The following KLF12 variants were observed in gnomAD, a reference collection of about 807,000 sequenced individuals.
KLF12 encodes Krueppel-like factor 12.
Under a neutral mutation model 37.8 loss-of-function variants are expected in KLF12, and 9 were observed. That is an observed-to-expected ratio of 0.24 (90% confidence interval 0.14 to 0.42). The LOEUF (loss-of-function observed/expected upper bound fraction) is 0.42. Ranked by LOEUF, KLF12 falls within the 10% of genes least tolerant of loss-of-function variation. The pLI is 1.00. For synonymous variants in KLF12, 208 were observed against 202.1 expected (o/e 1.03, Z -0.25); for missense variants, 411 against 516.0 (o/e 0.80, Z 1.97).
chr13:74,274,124 C>T, the KLF12 span, among the ~76,000 whole-genome samples: 1 of 152,160 alleles, frequency 6.6e-6, no homozygotes, highest in East Asian at 1.9e-4. Flanking sequence ...CCTCCCTCTT[C>T]ACTCAATACC....
intron 1 of KLF12, among the ~76,000 whole-genome samples, chr13:74,129,657 T>A (rs748568899): frequency 2.1e-5 from 3 of 144,436 alleles, no homozygotes; most frequent in African/African-American, 2.6e-5. Flanking sequence ...ACCATGAGAG[T>A]AGCAACAAAA....
chr13:74,055,886 A>G (rs1163700507), intron 1 of KLF12, among the ~76,000 whole-genome samples: 1 of 152,190 alleles, frequency 6.6e-6, no homozygotes, highest in Non-Finnish European at 1.5e-5. Context: ...TTGGATAATG[A>G]TATCAAAACA....
rs10543490 is a variant in KLF12, at chr13:73,963,284, TACACACACAC to T, written c.34-19224_34-19215del. Reference sequence around the variant, plus strand: ...TCATAAAGTATAAGAGAGTCATTTATACACACACACACACACACACACACACACACACACA... The same window carrying T: ...TCATAAAGTATAAGAGAGTCATTTATACACACACACACACACACACACACA... On this transcript the variant is annotated intron_variant, in intron 2 of 7. Transcript: ENST00000377669. Among the ~76,000 whole-genome samples the T allele has an allele frequency of 5.7e-3, 832 of 145,180 alleles. 2 individuals carry two copies. The highest frequency in any genetic ancestry group is 8.6e-3 in the African/African-American group (337 of 39,272).
At chr13:74,039,372 C>T (rs117240655) in intron 1 of KLF12, among the ~76,000 whole-genome samples, 16 of 150,874 alleles carry the variant, frequency 1.1e-4, no homozygotes, top group African/African-American at 2.9e-4. Flanking sequence ...CCCATCTCTA[C>T]CAAAAGAAAA....
chr13:74,240,152 C>G, the KLF12 span, among the ~76,000 whole-genome samples: 1 of 152,064 alleles, frequency 6.6e-6, no homozygotes, highest in East Asian at 1.9e-4. Context: ...GTGACAAAGT[C>G]TCTCAGCATT....
At chr13:74,000,114 G>A (rs186856337) in intron 1 of KLF12, among the ~76,000 whole-genome samples, 31 of 152,190 alleles carry the variant, frequency 2.0e-4, no homozygotes, top group Admixed American at 9.8e-4. Context: ...ATACCAGAAT[G>A]TCTGGTATAT....
intron 5 of KLF12, chr13:73,800,054 T>A (rs1882203548): frequency 6.6e-6 from 1 of 152,086 alleles, no homozygotes; most frequent in Non-Finnish European, 1.5e-5. Flanking sequence ...AAAGACACAA[T>A]AGCTGATTAT....
At chr13:74,173,981 T>A in the KLF12 span, among the ~76,000 whole-genome samples, 1 of 152,168 alleles carries the variant, frequency 6.6e-6, no homozygotes, top group Admixed American at 6.5e-5. Flanking sequence ...GTGCTTCCAG[T>A]CAATTCCATG....
chr13:74,305,212 C>T, the KLF12 span, among the ~76,000 whole-genome samples: 1 of 152,054 alleles, frequency 6.6e-6, no homozygotes, highest in Non-Finnish European at 1.5e-5. Flanking sequence ...TTAAAACCTC[C>T]ACATCTGCAG....
At chr13:74,122,296 C>A (rs1175106937) in intron 1 of KLF12, among the ~76,000 whole-genome samples, 1 of 152,038 alleles carries the variant, frequency 6.6e-6, no homozygotes, top group Non-Finnish European at 1.5e-5. Context: ...TAGAATAATT[C>A]TAATTTTCCT....
the KLF12 span, among the ~76,000 whole-genome samples, chr13:74,156,679 A>G: frequency 6.6e-6 from 1 of 150,990 alleles, no homozygotes; most frequent in Non-Finnish European, 1.5e-5. Context: ...ATGTTCACCA[A>G]TTCAATTGAT....
the KLF12 span, among the ~76,000 whole-genome samples, chr13:74,161,748 T>C: frequency 2.6e-5 from 4 of 152,290 alleles, no homozygotes; most frequent in South Asian, 2.1e-4. Context: ...ATGGGCTGCA[T>C]GTTTAATTAT....
chr13:74,060,498 G>GTGTGTGTGTGTGTGTGTC (rs1873526979), intron 1 of KLF12, among the ~76,000 whole-genome samples: 6 of 145,826 alleles, frequency 4.1e-5, no homozygotes, highest in Admixed American at 2.7e-4. Context: ...GTGTGTGTGT[G>GTGTGTGTGTGTGTGTGTC]TGTGTGTGTG....
chr13:74,085,447 C>T (rs1875216284), intron 1 of KLF12, among the ~76,000 whole-genome samples: 1 of 152,196 alleles, frequency 6.6e-6, no homozygotes, highest in African/African-American at 2.4e-5. Flanking sequence ...GCCTTGAGCA[C>T]TTGTTATGTA....
chr13:73,763,572 C>T (rs1201243132), intron 6 of KLF12, among the ~76,000 whole-genome samples: 1 of 152,126 alleles, frequency 6.6e-6, no homozygotes, highest in Non-Finnish European at 1.5e-5. Flanking sequence ...ATCATTACTT[C>T]AATACTTCAG....
At chr13:74,196,103 T>C in the KLF12 span, among the ~76,000 whole-genome samples, 4 of 152,216 alleles carry the variant, frequency 2.6e-5, no homozygotes, top group East Asian at 7.7e-4. Flanking sequence ...GTGCAAAATG[T>C]TTCATTTTAT....
the KLF12 span, among the ~76,000 whole-genome samples, chr13:74,220,357 T>A: frequency 6.6e-6 from 1 of 152,228 alleles, no homozygotes; most frequent in Non-Finnish European, 1.5e-5. Flanking sequence ...AATTTTTGAG[T>A]CTTTGTCTTA....
At chr13:73,890,234 C>T (rs1453262249) in intron 3 of KLF12, among the ~76,000 whole-genome samples, 1 of 152,036 alleles carries the variant, frequency 6.6e-6, no homozygotes, top group Non-Finnish European at 1.5e-5. Flanking sequence ...ATGGACTTTA[C>T]AAGCTTTATT....
the KLF12 span, among the ~76,000 whole-genome samples, chr13:74,182,962 C>A: frequency 6.6e-6 from 1 of 151,982 alleles, no homozygotes; most frequent in Non-Finnish European, 1.5e-5. Flanking sequence ...TTAACTCTTT[C>A]TCCAGGAACA....
Sources: allele counts gnomAD v4.1 joint callset (sites outside exome capture counted in the v4.1 genomes callset), GRCh38; gene constraint gnomAD v4.1.1; transcripts MANE v1.5; gene names NCBI Gene and HGNC (gene_info 2026-07-23, HGNC 2026-07-21).